The following BCCIP variants were observed in gnomAD, a reference collection of about 807,000 sequenced individuals.
BCCIP encodes BRCA2 and CDKN1A-interacting protein.
A neutral mutation model predicts 32.8 loss-of-function variants in BCCIP; 23 were observed. The ratio of observed to expected loss-of-function variants is 0.70; its 90% CI spans 0.51 to 0.99. The LOEUF (loss-of-function observed/expected upper bound fraction) is 0.99. BCCIP is among the 50% of genes least tolerant of loss of function. The probability of loss-of-function intolerance (pLI) is 0.00; values close to 1 mark genes in which losing one functional copy is unlikely to be tolerated. For missense variants in BCCIP, 378 were observed against 379.8 expected (o/e 1.00, Z 0.04); for synonymous variants, 144 against 137.6 (o/e 1.05, Z -0.33).
At chr10:125,824,935 G>A (rs973871714) in intron 1 of BCCIP, among the ~76,000 whole-genome samples, 4 of 152,258 alleles carry the variant, frequency 2.6e-5, no homozygotes, top group Non-Finnish European at 5.9e-5. Context: ...GAGCATGGAG[G>A]GGAGCATGGA....
At position 125,836,496 on chromosome 10, in the gene BCCIP, A is replaced by G; in HGVS notation, c.*222A>G. 1.5e-6 allele frequency: 2 copies of G among 1,377,194 alleles called. No homozygotes were observed. Among genetic ancestry groups the G allele is most frequent in the Non-Finnish European group, 1.9e-6 (2 of 1,057,184 alleles). 85.3% of individuals were successfully genotyped at this position (1,377,194 alleles called of 1,614,324 possible). A position where few individuals can be genotyped will look rare whatever the true frequency, so the allele number is the denominator to read the frequency against. ...AAACTTTTCCAAGAAGAAGAAAAGCATGGAGTAGTAATTTAAAGAACTCAA... is the reference window on the plus strand; with the variant it reads ...AAACTTTTCCAAGAAGAAGAAAAGCGTGGAGTAGTAATTTAAAGAACTCAA... On this transcript the variant is annotated 3_prime_UTR_variant, in exon 7 of 7. Coordinates refer to ENST00000278100, the MANE Select transcript of BCCIP (RefSeq NM_078468.3).
chr10:125,838,677 C>G (rs555995890), downstream of BCCIP, among the ~76,000 whole-genome samples: 7 of 152,252 alleles, frequency 4.6e-5, no homozygotes, highest in South Asian at 1.5e-3. Context: ...CGCTACCCAC[C>G]ATACTATGGG....
exon 7 of BCCIP, chr10:125,842,535 C>T (rs1022224020): frequency 6.6e-6 from 1 of 152,290 alleles, no homozygotes; most frequent in African/African-American, 2.4e-5. Flanking sequence ...TGGGCACTGC[C>T]ACCTGACACA....
chr10:125,826,703 C>T, intron 2 of BCCIP, 38 bp downstream of exon 2: 1 of 1,606,884 alleles, frequency 6.2e-7, no homozygotes, highest in Non-Finnish European at 8.5e-7. Flanking sequence ...ATTTCCTCTT[C>T]TAAGAAAAAT....
chr10:125,838,911 A>G (rs1338641935), downstream of BCCIP: 90 of 1,364,364 alleles, frequency 6.6e-5, 1 homozygote, highest in Admixed American at 2.0e-3. Context: ...CTTAATGTCA[A>G]AATCATCATC....
chr10:125,846,125 G>C (rs1041208386), downstream of BCCIP, among the ~76,000 whole-genome samples: 1 of 152,172 alleles, frequency 6.6e-6, no homozygotes, highest in East Asian at 1.9e-4. Context: ...TTCCTCAAGC[G>C]TAAGGGCATT....
intron 4 of BCCIP, 102 bp downstream of exon 4, chr10:125,830,753 A>G: frequency 1.4e-6 from 1 of 718,928 alleles, no homozygotes; most frequent in Non-Finnish European, 2.4e-6. Context: ...AGTGATATTA[A>G]CTATAGGGAT....
At chr10:125,836,777 C>T (rs751893829), downstream of BCCIP, 2 of 1,614,100 alleles carry the variant, frequency 1.2e-6, no homozygotes, top group East Asian at 2.2e-5. Context: ...ATAGGTGATC[C>T]ACTACTTGCT....
chr10:125,825,139 A>G (rs1360111143), intron 1 of BCCIP, among the ~76,000 whole-genome samples: 3 of 152,240 alleles, frequency 2.0e-5, no homozygotes, highest in South Asian at 2.1e-4. Flanking sequence ...TGGGAAATCT[A>G]TCACACCACC....
At chr10:125,835,598 A>G (rs183264850) in intron 6 of BCCIP, among the ~76,000 whole-genome samples, 101 of 150,790 alleles carry the variant, frequency 6.7e-4, no homozygotes, top group Non-Finnish European at 1.3e-3. Flanking sequence ...AAACAAACAA[A>G]CAAAAAAAAC....
chr10:125,827,969 A>G (rs906838711), intron 3 of BCCIP, among the ~76,000 whole-genome samples: 7 of 17,960 alleles, frequency 3.9e-4, no homozygotes, highest in African/African-American at 7.1e-4. Flanking sequence ...CTATATCTGA[A>G]AAAAAAAAAA....
chr10:125,838,514 T>G, downstream of BCCIP: 1 of 873,506 alleles, frequency 1.1e-6, no homozygotes, highest in Non-Finnish European at 1.6e-6. Flanking sequence ...TTGCCACTCA[T>G]GTTTCCTACT....
chr10:125,825,426 T>G (rs916013889), intron 1 of BCCIP: 2 of 152,232 alleles, frequency 1.3e-5, no homozygotes, highest in African/African-American at 4.8e-5. Flanking sequence ...AATGACAGTT[T>G]GTTATTTGGT....
rs1421365967 is a variant in BCCIP at position 125,852,310 on chromosome 10, T to A, written c.851-815T>A. 2 of 1,614,014 alleles carry A rather than the reference T, an allele frequency of 1.2e-6. No homozygotes were observed. The highest frequency in any genetic ancestry group is 1.7e-6 in the Non-Finnish European group (2 of 1,180,020). On this transcript the variant is annotated intron_variant, in intron 7 of 7. Transcript: ENST00000368759. ...AAGGCTACCTGGTCTGTTCATGAAG[T>A]CACAGTGGCCTAGGCCCGCAATGTC...
rs1854687929 is a variant in BCCIP at position 125,836,455 on chromosome 10, T to G, written c.*181T>G. 1 of 1,415,522 alleles carries G rather than the reference T, an allele frequency of 7.1e-7. No individual in the cohort carries two copies. Among genetic ancestry groups the G allele is most frequent in the Admixed American group, 3.1e-5 (1 of 31,904 alleles). The allele number at this position is 1,415,522 out of a possible 1,614,324, so 87.7% of individuals were successfully genotyped here. ...GTTTTTTAAAATTTTGGTCAAATTA[T>G]GAGTGGTTGATTTAAAAACTTTTCC... On this transcript the variant is annotated 3_prime_UTR_variant, in exon 7 of 7. Coordinates refer to ENST00000278100, the MANE Select transcript of BCCIP (RefSeq NM_078468.3).
intron 7 of BCCIP, among the ~76,000 whole-genome samples, chr10:125,851,771 C>T (rs1192135908): frequency 2.0e-5 from 3 of 151,872 alleles, no homozygotes; most frequent in Non-Finnish European, 4.4e-5. Context: ...AGGAAATCTA[C>T]ATTAATAAGT....
chr10:125,850,354 C>CTTTTTTTT (rs765077777), intron 7 of BCCIP, among the ~76,000 whole-genome samples: 29 of 124,544 alleles, frequency 2.3e-4, no homozygotes, highest in East Asian at 6.7e-4. Context: ...TTCTTTCTTT[C>CTTTTTTTT]TTTTTTTTTT....
chr10:125,838,851 A>G, downstream of BCCIP: 1 of 913,320 alleles, frequency 1.1e-6, no homozygotes. Flanking sequence ...CTTGAGGGGA[A>G]GGATACTTAA....
chr10:125,852,330 A>G (rs1944101700), intron 7 of BCCIP: 3 of 1,614,038 alleles, frequency 1.9e-6, no homozygotes, highest in African/African-American at 2.7e-5. Context: ...CTAGGCCCGC[A>G]ATGTCTATCC....
Sources: gnomAD v4.1 joint callset for allele counts (sites outside exome capture counted in the v4.1 genomes callset) on GRCh38, gnomAD v4.1.1 for gene constraint, MANE v1.5 for transcripts, NCBI Gene and HGNC (gene_info 2026-07-23, HGNC 2026-07-21) for gene names.